The following LRRC7 variants were observed in gnomAD, a reference collection of about 807,000 sequenced individuals.
The protein encoded by LRRC7 is leucine rich repeat containing 7.
In LRRC7, 23 loss-of-function variants were observed where a neutral mutation model predicts 175.7. The observed-to-expected ratio is 0.13, with a 90% CI of 0.09 to 0.19. The LOEUF is 0.19. LRRC7 is among the 10% of genes least tolerant of loss of function. The pLI is 1.00. For missense variants in LRRC7, 1,354 were observed against 1,904.7 expected, an observed-to-expected ratio of 0.71 and a Z score of 5.38; for synonymous variants, 685 against 680.9, an observed-to-expected ratio of 1.01 and a Z score of -0.09.
chr1:70,050,861 G>GCCAT (rs1290537057), intron 22 of LRRC7, among the ~76,000 whole-genome samples: 8 of 151,900 alleles, frequency 5.3e-5, no homozygotes, highest in Non-Finnish European at 1.2e-4. Context: ...GCAGACTTAA[G>GCCAT]CCATCCCTAA....
At chr1:69,838,392 A>T in intron 7 of LRRC7, 109 bp downstream of exon 7, 1 of 874,772 alleles carries the variant, frequency 1.1e-6, no homozygotes, top group Middle Eastern at 2.9e-4. Context: ...TAATTTATCT[A>T]CACATTTTTC....
chr1:69,694,714 T>A (rs1231518828), intron 2 of LRRC7, among the ~76,000 whole-genome samples: 2 of 143,992 alleles, frequency 1.4e-5, no homozygotes, highest in East Asian at 4.2e-4. Flanking sequence ...GAGATCTGGT[T>A]GTTTAAAAGA....
chr1:69,978,727 C>T (rs1356394592), intron 8 of LRRC7, among the ~76,000 whole-genome samples: 1 of 152,118 alleles, frequency 6.6e-6, no homozygotes, highest in Admixed American at 6.6e-5. Context: ...GTCTTAAGCC[C>T]TCCTAATTTG....
chr1:69,779,028 A>T (rs1159931946), intron 3 of LRRC7, among the ~76,000 whole-genome samples: 1 of 151,600 alleles, frequency 6.6e-6, no homozygotes, highest in African/African-American at 2.4e-5. Context: ...ACATATATAT[A>T]TATACACACA....
intron 2 of LRRC7, among the ~76,000 whole-genome samples, chr1:69,687,974 CT>C: frequency 6.6e-6 from 1 of 152,168 alleles, no homozygotes; most frequent in East Asian, 1.9e-4. Flanking sequence ...GGAATTCTGT[CT>C]GTTTGCTTCC....
chr1:69,591,915 CCT>C (rs938657087), intron 1 of LRRC7, among the ~76,000 whole-genome samples: 3 of 151,990 alleles, frequency 2.0e-5, no homozygotes, highest in African/African-American at 7.2e-5. Flanking sequence ...TCTTTTATTT[CCT>C]CTTTTTTAAT....
chr1:69,856,840 T>A (rs1473533689), intron 7 of LRRC7, among the ~76,000 whole-genome samples: 1 of 152,184 alleles, frequency 6.6e-6, no homozygotes. Flanking sequence ...ATATCCCTGA[T>A]GAACATCAAT....
chr1:69,871,664 G>A (rs1685557938), intron 7 of LRRC7, among the ~76,000 whole-genome samples: 1 of 151,902 alleles, frequency 6.6e-6, no homozygotes, highest in Non-Finnish European at 1.5e-5. Context: ...ATAATCATGT[G>A]AAATGGCTAT....
chr1:69,645,174 T>C (rs1654828951), intron 1 of LRRC7, among the ~76,000 whole-genome samples: 1 of 151,906 alleles, frequency 6.6e-6, no homozygotes, highest in Non-Finnish European at 1.5e-5. Context: ...TTTTTTTTAT[T>C]CACAGATGAC....
intron 7 of LRRC7, among the ~76,000 whole-genome samples, chr1:69,864,943 G>T (rs2101550135): frequency 6.6e-6 from 1 of 152,220 alleles, no homozygotes; most frequent in East Asian, 1.9e-4. Flanking sequence ...CTAGGGAAGA[G>T]GAGCATAAGG....
chr1:69,906,033 T>C (rs2101683101), intron 7 of LRRC7, among the ~76,000 whole-genome samples: 1 of 152,368 alleles, frequency 6.6e-6, no homozygotes, highest in East Asian at 1.9e-4. Context: ...TGTTCATGTG[T>C]TTTTTGGCTG....
chr1:69,986,085 C>T (rs1217384822), intron 9 of LRRC7, among the ~76,000 whole-genome samples, 157 bp from the exon 10 acceptor site: 2 of 152,168 alleles, frequency 1.3e-5, no homozygotes, highest in Non-Finnish European at 2.9e-5. Context: ...TTCCTACTAG[C>T]AATGTTTGAA....
chr1:69,930,375 T>C (rs1444293223), intron 7 of LRRC7, among the ~76,000 whole-genome samples: 1 of 152,176 alleles, frequency 6.6e-6, no homozygotes, highest in Non-Finnish European at 1.5e-5. Flanking sequence ...ATAAGGTAAT[T>C]TCTACATCCA....
chr1:69,624,480 TATC>T (rs1651154312), intron 1 of LRRC7, among the ~76,000 whole-genome samples: 2 of 152,142 alleles, frequency 1.3e-5, no homozygotes, highest in African/African-American at 2.4e-5. Flanking sequence ...TTTTTCCACT[TATC>T]ATTCAACGAG....
intron 7 of LRRC7, among the ~76,000 whole-genome samples, chr1:69,913,889 T>C (rs1646608357): frequency 6.6e-6 from 1 of 152,166 alleles, no homozygotes; most frequent in Non-Finnish European, 1.5e-5. Flanking sequence ...AGCAATTTAT[T>C]TCTAAAATTT....
chr1:69,768,290 C>T (rs1476320536), intron 3 of LRRC7, among the ~76,000 whole-genome samples: 1 of 152,154 alleles, frequency 6.6e-6, no homozygotes, highest in African/African-American at 2.4e-5. Context: ...CACATGAATG[C>T]CAAACAGGCT....
intron 1 of LRRC7, among the ~76,000 whole-genome samples, chr1:69,577,909 C>G (rs1195335145): frequency 6.6e-6 from 1 of 152,042 alleles, no homozygotes; most frequent in Non-Finnish European, 1.5e-5. Flanking sequence ...TTTTCCAATT[C>G]TTTGAAGAAA....
Position 70,128,829 on chromosome 1 carries a change from A to G in LRRC7, c.*6942A>G, listed in dbSNP as rs1298895263. On this transcript the variant is annotated 3_prime_UTR_variant, in exon 27 of 27. Transcript: ENST00000651989. ...CTTTATTCCTGCCCTCAACCATCCT[A>G]TTGCAAAAGGAAATCGAGTCTTTAT... 6.6e-6 allele frequency: 1 copy of G among 152,106 alleles called. No individual in the cohort carries two copies. The highest frequency in any genetic ancestry group is 1.5e-5 in the Non-Finnish European group (1 of 68,036). 9.4% of individuals were successfully genotyped at this position (152,106 alleles called of 1,614,324 possible). A position where few individuals can be genotyped will look rare whatever the true frequency, so the allele number is the denominator to read the frequency against.
At chr1:70,000,879 T>C (rs946995827) in intron 11 of LRRC7, among the ~76,000 whole-genome samples, 4 of 152,152 alleles carry the variant, frequency 2.6e-5, no homozygotes, top group Non-Finnish European at 4.4e-5. Flanking sequence ...ACGGGAAACA[T>C]TGTGAATAAC....
Sources: allele counts gnomAD v4.1 joint callset (sites outside exome capture counted in the v4.1 genomes callset), GRCh38; gene constraint gnomAD v4.1.1; transcripts MANE v1.5; gene names NCBI Gene and HGNC (gene_info 2026-07-23, HGNC 2026-07-21).